IQSEC1: variants seen among roughly 807,000 people sequenced by gnomAD.
IQSEC1 encodes the protein IQ motif and Sec7 domain ArfGEF 1, also known as IQ motif and SEC7 domain-containing protein 1.
IQSEC1 carries 31 observed loss-of-function variants against 91.0 expected under a neutral mutation model. That is an observed-to-expected ratio of 0.34 (90% CI 0.26 to 0.46). The LOEUF (loss-of-function observed/expected upper bound fraction) is 0.46. Ranked by LOEUF, IQSEC1 falls within the 20% of genes least tolerant of loss-of-function variation. The pLI, the probability that IQSEC1 is intolerant of heterozygous loss-of-function variation, is 1.00. For synonymous variants in IQSEC1, 699 were observed against 662.6 expected, an observed-to-expected ratio of 1.05 and a Z score of -0.84; for missense variants, 1,388 against 1,575.6, an observed-to-expected ratio of 0.88 and a Z score of 2.02.
intron 1 of IQSEC1, among the ~76,000 whole-genome samples, chr3:13,248,130 C>G (rs1297999920): frequency 6.6e-6 from 1 of 152,198 alleles, no homozygotes; most frequent in African/African-American, 2.4e-5. Context: ...CTGAGACCTC[C>G]CAGACTGCAG....
At chr3:13,279,393 TATC>T (rs1249977949) in intron 1 of IQSEC1, among the ~76,000 whole-genome samples, 2 of 152,248 alleles carry the variant, frequency 1.3e-5, no homozygotes, top group African/African-American at 2.4e-5. Flanking sequence ...TTTTTCCTGT[TATC>T]ATCCTGTTTT....
At chr3:13,130,666 C>T (rs577383496) in intron 2 of IQSEC1, among the ~76,000 whole-genome samples, 2 of 152,026 alleles carry the variant, frequency 1.3e-5, no homozygotes, top group South Asian at 4.2e-4. Context: ...GCTGGGATTA[C>T]TGGCTCACGC....
intron 1 of IQSEC1, among the ~76,000 whole-genome samples, chr3:13,261,001 C>T (rs966011336): frequency 1.3e-5 from 2 of 152,222 alleles, no homozygotes; most frequent in Non-Finnish European, 2.9e-5. Context: ...CCAAGGTCTT[C>T]CCTGACCGAC....
intron 1 of IQSEC1, among the ~76,000 whole-genome samples, chr3:13,189,572 G>T (rs1693986359): frequency 6.6e-6 from 1 of 152,160 alleles, no homozygotes; most frequent in Admixed American, 6.5e-5. Flanking sequence ...CTTCTCCCCT[G>T]CACCCACTAC....
intron 1 of IQSEC1, among the ~76,000 whole-genome samples, chr3:13,164,286 T>A (rs561412214): frequency 6.6e-6 from 1 of 152,220 alleles, no homozygotes; most frequent in Admixed American, 6.5e-5. Flanking sequence ...TCCTCCGGGG[T>A]CTCTTGCTGC....
intron 2 of IQSEC1, among the ~76,000 whole-genome samples, chr3:13,105,129 T>A (rs538896901): frequency 6.6e-6 from 1 of 152,108 alleles, no homozygotes; most frequent in Non-Finnish European, 1.5e-5. Context: ...GCATTCAAGG[T>A]CTTTCATGGT....
chr3:13,015,646 G>A, intron 1 of IQSEC1: 1 of 985,268 alleles, frequency 1.0e-6, no homozygotes, highest in Non-Finnish European at 1.2e-6. Context: ...GCGGCCCCGG[G>A]GGATGAGCTG....
intron 1 of IQSEC1, among the ~76,000 whole-genome samples, chr3:13,244,018 T>C (rs917776212): frequency 6.6e-6 from 1 of 152,136 alleles, no homozygotes; most frequent in African/African-American, 2.4e-5. Flanking sequence ...CACACATTTG[T>C]GGAGCGCCTG....
chr3:13,101,207 C>T (rs777723530), intron 2 of IQSEC1, among the ~76,000 whole-genome samples: 38 of 152,236 alleles, frequency 2.5e-4, no homozygotes, highest in Admixed American at 6.5e-4. Context: ...CTAGGCTGGG[C>T]GCGGTGGCTC....
intron 2 of IQSEC1, among the ~76,000 whole-genome samples, chr3:13,133,927 G>A (rs1477975099): frequency 2.6e-5 from 4 of 152,152 alleles, no homozygotes; most frequent in Admixed American, 6.5e-5. Context: ...CATTTGCTGC[G>A]GGAAGACACC....
intron 1 of IQSEC1, among the ~76,000 whole-genome samples, chr3:13,268,991 TTC>T (rs1695547220): frequency 6.6e-6 from 1 of 152,228 alleles, no homozygotes; most frequent in African/African-American, 2.4e-5. Flanking sequence ...CCATGAAACG[TTC>T]TGAGATCAGA....
intron 2 of IQSEC1, among the ~76,000 whole-genome samples, chr3:13,085,454 C>T (rs930928568): frequency 1.3e-5 from 2 of 151,574 alleles, no homozygotes; most frequent in Non-Finnish European, 3.0e-5. Context: ...ACCTTCAATA[C>T]TCGTTCAATC....
In IQSEC1 at chr3:13,011,221, A is replaced by G. The variant is rs140339765; in HGVS notation, c.23+61771T>C. On this transcript the variant is annotated intron_variant, in intron 1 of 13. Coordinates refer to ENST00000613206, the MANE Select transcript of IQSEC1 (RefSeq NM_001134382.3). ...GAGCCCCAGGCGTACCAGCAGACACAGGGCTGAAAGACCCAGGGCCTACCC... is the reference window on the plus strand; with the variant it reads ...GAGCCCCAGGCGTACCAGCAGACACGGGGCTGAAAGACCCAGGGCCTACCC... Among the ~76,000 whole-genome samples, 672 of 152,338 alleles carry G rather than the reference A, an allele frequency of 4.4e-3. 4 individuals carry two copies. The highest frequency in any genetic ancestry group is 7.0e-3 in the Non-Finnish European group (473 of 68,022).
At position 12,924,708 on chromosome 3, in the gene IQSEC1, G is replaced by A; in HGVS notation, c.1603C>T (p.Arg535Cys). ...PEKGVQYLIE[R>C]GFVPDTPVGV... ...ACGGGCGTGTCGGGCACAAAGCCAC[G>A]CTCGATGAGGTACTGGACTCCCTTC... The change falls in exon 4 of 14, where the codon CGT (arginine) becomes TGT (cysteine). Residue 535 changes from arginine (R) to cysteine (C), a missense_variant. Coordinates refer to ENST00000613206, the MANE Select transcript of IQSEC1 (RefSeq NM_001134382.3). This position sits in a 1 kb window ranked among gnomAD's most constrained non-coding sequence, Gnocchi z 6.3. The A allele has an allele frequency of 6.2e-7, 1 of 1,605,580 alleles. No homozygotes were observed. The highest frequency in any genetic ancestry group is 8.5e-7 in the Non-Finnish European group (1 of 1,175,132).
intron 2 of IQSEC1, among the ~76,000 whole-genome samples, chr3:13,105,464 C>G (rs1317461277): frequency 6.6e-6 from 1 of 152,168 alleles, no homozygotes; most frequent in Non-Finnish European, 1.5e-5. Context: ...AGGGACAGAA[C>G]CTCTGGCTTT....
chr3:13,250,237 T>G (rs2882190), intron 1 of IQSEC1, among the ~76,000 whole-genome samples: 18,914 of 151,960 alleles, frequency 0.12, 1,754 homozygotes, highest in African/African-American at 0.26. Context: ...AACCTCCAGG[T>G]GCGGTGGGAG....
At chr3:13,108,974 A>G (rs1706197359) in intron 2 of IQSEC1, among the ~76,000 whole-genome samples, 1 of 152,198 alleles carries the variant, frequency 6.6e-6, no homozygotes, top group African/African-American at 2.4e-5. Flanking sequence ...TGTGGCCTCT[A>G]CAAGTTCAGG....
At chr3:13,043,335 C>T (rs538071779) in intron 1 of IQSEC1, among the ~76,000 whole-genome samples, 95 of 152,266 alleles carry the variant, frequency 6.2e-4, no homozygotes, top group African/African-American at 2.0e-3. Flanking sequence ...TGGCTGGTCC[C>T]GGCGTCTGCT....
At position 13,172,766 on chromosome 3, in the gene IQSEC1, C is replaced by T. The variant is rs1013902787; in HGVS notation, c.273-8633G>A. On this transcript the variant is annotated intron_variant, in intron 1 of 15. Transcript: ENST00000648114. ...TGAGGGATGGCAGCAGGACTCCACA[C>T]CCGGGGGTCTACCCAGGCTGGTACC... 2.6e-5 allele frequency among the ~76,000 whole-genome samples: 4 copies of T among 152,226 alleles called. 1 individual carries two copies. Among genetic ancestry groups the T allele is most frequent in the Admixed American group, 1.3e-4 (2 of 15,288 alleles).
Sources: allele counts gnomAD v4.1 joint callset (sites outside exome capture counted in the v4.1 genomes callset), GRCh38; gene constraint gnomAD v4.1.1; non-coding constraint Gnocchi (gnomAD v3.1); transcripts MANE v1.5; gene names NCBI Gene and HGNC (gene_info 2026-07-23, HGNC 2026-07-21).